The following SENP6 variants were observed in gnomAD, a reference collection of about 807,000 sequenced individuals.
SENP6 encodes SUMO specific peptidase 6.
In SENP6, 41 loss-of-function variants were observed where a neutral mutation model predicts 134.5. That is an observed-to-expected ratio of 0.30 (90% CI 0.24 to 0.40). The LOEUF (loss-of-function observed/expected upper bound fraction) is 0.40. Among genes scored for constraint, SENP6 ranks in the 10% least tolerant of loss-of-function variants. SENP6 has a pLI of 1.00. For synonymous variants in SENP6, 395 were observed against 429.8 expected (o/e 0.92, Z 1.00); for missense variants, 1,248 against 1,312.5 (o/e 0.95, Z 0.76).
intron 21 of SENP6, among the ~76,000 whole-genome samples, chr6:75,712,284 C>T (rs1775793308): frequency 6.6e-6 from 1 of 152,014 alleles, no homozygotes; most frequent in Non-Finnish European, 1.5e-5. Context: ...GACAGAAACT[C>T]TATTAAGAGA....
chr6:75,672,411 TAAA>T (rs1237735876), intron 11 of SENP6, among the ~76,000 whole-genome samples: 2 of 152,098 alleles, frequency 1.3e-5, no homozygotes, highest in Non-Finnish European at 2.9e-5. Context: ...TAAATTTAGT[TAAA>T]AAAATAAAAG....
chr6:75,611,704 TTG>T (rs1265988124), intron 1 of SENP6: 1 of 152,176 alleles, frequency 6.6e-6, no homozygotes, highest in Non-Finnish European at 1.5e-5. Flanking sequence ...TTTTAAGAGA[TTG>T]TGTATTCTGT....
At chr6:75,606,633 A>T (rs928382971) in intron 1 of SENP6, among the ~76,000 whole-genome samples, 4 of 152,222 alleles carry the variant, frequency 2.6e-5, no homozygotes, top group African/African-American at 9.6e-5. Context: ...TTGTTTATAC[A>T]AGTTGAACAT....
At chr6:75,679,854 CTT>C (rs951229747) in intron 16 of SENP6, 11 of 152,120 alleles carry the variant, frequency 7.2e-5, no homozygotes, top group Admixed American at 4.6e-4. Context: ...CAAAACAAAA[CTT>C]TTAAAAATTG....
intron 1 of SENP6, among the ~76,000 whole-genome samples, chr6:75,606,623 T>A (rs745515056): frequency 2.0e-5 from 3 of 152,170 alleles, no homozygotes; most frequent in Non-Finnish European, 4.4e-5. Context: ...CAGTGGTGGA[T>A]TGTTTATACA....
intron 16 of SENP6, among the ~76,000 whole-genome samples, chr6:75,686,904 G>A (rs964447526): frequency 3.3e-5 from 5 of 152,154 alleles, no homozygotes; most frequent in African/African-American, 9.7e-5. Flanking sequence ...GAGTATCTTT[G>A]TGGTGTTCTC....
chr6:75,694,578 C>CT (rs1485369440), intron 16 of SENP6, among the ~76,000 whole-genome samples: 1 of 152,184 alleles, frequency 6.6e-6, no homozygotes, highest in Non-Finnish European at 1.5e-5. Flanking sequence ...GCCTATGCAA[C>CT]TGTCAGTCTT....
Position 75,677,110 on chromosome 6 carries a change from A to C in SENP6, c.1702A>C (p.Asn568His). Residue 568 changes from asparagine (N) to histidine (H), a missense_variant, in exon 14 of 24, where the codon AAT becomes CAT. Coordinates refer to ENST00000447266, the MANE Select transcript of SENP6 (RefSeq NM_015571.4). The stretch of plus-strand genomic sequence containing the variant: ...AAATATGGTATTTGAAAGTATCATT[A>C]ATGAAATTGGTATAAAGAATAACAT... ...PANMVFESII[N>H]EIGIKNNISN... is the part of the protein sequence containing the mutation. The C allele has an allele frequency of 6.2e-7, 1 of 1,609,228 alleles. No homozygotes were observed. The highest frequency in any genetic ancestry group is 1.7e-5 in the Admixed American group (1 of 59,946).
chr6:75,604,989 C>T (rs909695546), intron 1 of SENP6, among the ~76,000 whole-genome samples: 5 of 152,162 alleles, frequency 3.3e-5, no homozygotes, highest in African/African-American at 2.4e-5. Flanking sequence ...AGGAGAATCA[C>T]CTGAACCCAG....
intron 11 of SENP6, 72 bp downstream of exon 11, chr6:75,670,792 A>G (rs1179327632): frequency 1.3e-6 from 1 of 765,978 alleles, no homozygotes; most frequent in Non-Finnish European, 1.8e-6. Context: ...CTAATATATA[A>G]TATTTAAAAT....
Position 75,623,883 on chromosome 6 carries a change from C to T in SENP6, c.147-17C>T, listed in dbSNP as rs1274118045. 13 of 1,584,704 alleles carry T rather than the reference C, an allele frequency of 8.2e-6. No individual in the cohort carries two copies. Among genetic ancestry groups the T allele is most frequent in the Non-Finnish European group, 1.1e-5 (13 of 1,165,048 alleles). ...GTGATTGCTACTTATGTTTTTTTCC[C>T]CTTATTTTCTGTGTAGTGGGACAAA... On this transcript the variant is annotated splice_polypyrimidine_tract_variant and intron_variant, in intron 2 of 23. Coordinates refer to ENST00000447266, the MANE Select transcript of SENP6 (RefSeq NM_015571.4).
intron 21 of SENP6, 81 bp downstream of exon 21, chr6:75,711,497 A>T (rs1309265459): frequency 1.1e-5 from 9 of 850,940 alleles, no homozygotes; most frequent in Non-Finnish European, 1.6e-5. Context: ...TTTTTTTTTA[A>T]ATAAATACTT....
intron 13 of SENP6, 146 bp downstream of exon 13, chr6:75,676,200 T>A (rs959534352): frequency 2.6e-5 from 13 of 503,462 alleles, no homozygotes; most frequent in Admixed American, 3.9e-5. Context: ...GAAATAGATA[T>A]TACTTTCTCC....
chr6:75,714,408 G>A (rs1775922344), intron 23 of SENP6, among the ~76,000 whole-genome samples: 1 of 152,106 alleles, frequency 6.6e-6, no homozygotes, highest in Non-Finnish European at 1.5e-5. Flanking sequence ...ATGACCACTA[G>A]GTTCTGTGAA....
At position 75,705,924 on chromosome 6, in the gene SENP6, C is replaced by CTTTTTTTTTTTT. The variant is rs1562073188; in HGVS notation, c.2716+2852_2716+2853insTTTTTTTTTTTT. ...AGTGAGTTAGAAAGCTATTTTTGAGCCTTTTTTTTTTTTTTTTTTTTTTTT... is the reference window on the plus strand; with the variant it reads ...AGTGAGTTAGAAAGCTATTTTTGAGCTTTTTTTTTTTTCTTTTTTTTTTTTTTTTTTTTTTTT... On this transcript the variant is annotated intron_variant, in intron 19 of 23. Transcript: ENST00000447266. Among the ~76,000 whole-genome samples, 427 of 89,262 alleles carry CTTTTTTTTTTTT rather than the reference C, an allele frequency of 4.8e-3. 122 individuals are homozygous for CTTTTTTTTTTTT. Among genetic ancestry groups the CTTTTTTTTTTTT allele is most frequent in the Middle Eastern group, 0.014 (2 of 140 alleles). 58.6% of individuals were successfully genotyped at this position (89,262 alleles called of 152,430 possible). A position where few individuals can be genotyped will look rare whatever the true frequency, so the allele number is the denominator to read the frequency against.
intron 8 of SENP6, among the ~76,000 whole-genome samples, chr6:75,661,779 T>C (rs980963627): frequency 2.0e-5 from 3 of 152,182 alleles, no homozygotes; most frequent in African/African-American, 7.2e-5. Flanking sequence ...CCGGGCACAG[T>C]GGCTCATGCC....
rs533408533 is a variant in SENP6 at position 75,664,998 on chromosome 6, A to G, written c.994+1480A>G. Among the ~76,000 whole-genome samples, 4 of 152,296 alleles carry G rather than the reference A, an allele frequency of 2.6e-5. No homozygotes were observed. In the South Asian group the frequency reaches 6.2e-4, roughly 24 times the overall value. ...CTTACTTTATTGGGTTATCAAAGTG[A>G]TATTTAGGCTGGGCGCATTGGGTCA... On this transcript the variant is annotated intron_variant, in intron 9 of 23. Transcript: ENST00000447266.
intron 11 of SENP6, among the ~76,000 whole-genome samples, chr6:75,672,370 G>A (rs1201320415): frequency 1.3e-5 from 2 of 151,952 alleles, no homozygotes; most frequent in East Asian, 1.9e-4. Flanking sequence ...TTTCTAATAG[G>A]TTATATTTGC....
intron 3 of SENP6, among the ~76,000 whole-genome samples, chr6:75,626,427 A>G (rs1768699523): frequency 6.6e-6 from 1 of 152,000 alleles, no homozygotes; most frequent in Admixed American, 6.6e-5. Flanking sequence ...ACTTGACAGT[A>G]TGTTATGTAG....
Sources: allele counts gnomAD v4.1 joint callset (sites outside exome capture counted in the v4.1 genomes callset), GRCh38; gene constraint gnomAD v4.1.1; transcripts MANE v1.5; gene names NCBI Gene and HGNC (gene_info 2026-07-23, HGNC 2026-07-21).